Variants in IGF2BP2 observed in about 807,000 individuals in gnomAD.
IGF2BP2 encodes the protein insulin like growth factor 2 mRNA binding protein 2.
In IGF2BP2, 17 loss-of-function variants were observed where a neutral mutation model predicts 75.8. That is an observed-to-expected ratio of 0.22 (90% CI 0.15 to 0.34). The LOEUF is 0.34. IGF2BP2 is among the 10% of genes least tolerant of loss of function. IGF2BP2 has a pLI of 1.00. For synonymous variants in IGF2BP2, 288 were observed against 295.6 expected, an observed-to-expected ratio of 0.97 and a Z score of 0.26; for missense variants, 516 against 772.4, an observed-to-expected ratio of 0.67 and a Z score of 3.93.
At chr3:185,814,423 G>A (rs1740330567) in intron 2 of IGF2BP2, among the ~76,000 whole-genome samples, 1 of 152,220 alleles carries the variant, frequency 6.6e-6, no homozygotes, top group South Asian at 2.1e-4. Flanking sequence ...AGGTCTCCAT[G>A]TAATCCAAAA....
In IGF2BP2 at chr3:185,696,515, A is replaced by C. The variant is rs1171813298; in HGVS notation, c.340+97T>G. Reference sequence around the variant, plus strand: ...ACTCTAGGAAGCTTATTTCAAAGAAATATGAACTTACTATTTCTCCCTGGA... The same window carrying C: ...ACTCTAGGAAGCTTATTTCAAAGAACTATGAACTTACTATTTCTCCCTGGA... On this transcript the variant is annotated intron_variant, in intron 4 of 15. Transcript: ENST00000382199. 2.9e-6 allele frequency: 3 copies of C among 1,023,794 alleles called. No individual in the cohort carries two copies. The African/African-American group carries it at 4.8e-5, about 16-fold the overall frequency. 63.4% of individuals were successfully genotyped at this position (1,023,794 alleles called of 1,614,324 possible).
rs144114141 is a variant in IGF2BP2 at position 185,657,237 on chromosome 3, A to G, written c.1386+49T>C. ...ACTGAGAGGGAACAAGGGCCGTGGG[A>G]TGAGAGGAGGTGGTAGAAGGGCCAC... is the stretch of plus-strand genomic sequence containing the variant. On this transcript the variant is annotated intron_variant, in intron 12 of 15. Coordinates refer to ENST00000382199, the MANE Select transcript of IGF2BP2 (RefSeq NM_006548.6). 5.6e-4 allele frequency: 717 copies of G among 1,275,298 alleles called. 1 individual carries two copies. The African/African-American group carries it at 9.2e-3, about 16-fold the overall frequency. The allele number at this position is 1,275,298 out of a possible 1,614,324, so 79.0% of individuals were successfully genotyped here. A position where few individuals can be genotyped will look rare whatever the true frequency, so the allele number is the denominator to read the frequency against.
chr3:185,651,063 C>G (rs1237814793), intron 13 of IGF2BP2, among the ~76,000 whole-genome samples: 1 of 152,134 alleles, frequency 6.6e-6, no homozygotes, highest in Non-Finnish European at 1.5e-5. Context: ...TACATGCTAC[C>G]ACACCCAGCT....
At chr3:185,650,103 TTTTA>T in intron 13 of IGF2BP2, among the ~76,000 whole-genome samples, 1 of 151,468 alleles carries the variant, frequency 6.6e-6, no homozygotes, top group Admixed American at 6.6e-5. Context: ...TTTTTTTTTT[TTTTA>T]GAGATGAGGT....
At chr3:185,782,008 T>C (rs1735270567) in intron 2 of IGF2BP2, among the ~76,000 whole-genome samples, 1 of 152,156 alleles carries the variant, frequency 6.6e-6, no homozygotes, top group Admixed American at 6.6e-5. Flanking sequence ...TTAAAAAATA[T>C]GAATCAAGCA....
intron 2 of IGF2BP2, among the ~76,000 whole-genome samples, chr3:185,798,214 C>T (rs916078958): frequency 1.3e-5 from 2 of 152,022 alleles, no homozygotes; most frequent in East Asian, 1.9e-4. Flanking sequence ...AAAAAAATTG[C>T]TTTTCAGGGA....
At chr3:185,747,852 T>TAC (rs1730459484) in intron 2 of IGF2BP2, among the ~76,000 whole-genome samples, 4 of 151,894 alleles carry the variant, frequency 2.6e-5, no homozygotes, top group African/African-American at 9.7e-5. Context: ...TACTCCAATT[T>TAC]TATTTTATTT....
chr3:185,796,564 C>CAAA (rs60331633), intron 2 of IGF2BP2, among the ~76,000 whole-genome samples: 13 of 71,782 alleles, frequency 1.8e-4, no homozygotes, highest in East Asian at 1.3e-3. Context: ...CATTCCGTCT[C>CAAA]AAAAAAAAAA....
intron 2 of IGF2BP2, among the ~76,000 whole-genome samples, chr3:185,739,667 G>A (rs1340632582): frequency 2.6e-5 from 4 of 152,034 alleles, no homozygotes; most frequent in South Asian, 4.2e-4. Context: ...ACCCAGACAC[G>A]CGAAGCTTCT....
intron 2 of IGF2BP2, among the ~76,000 whole-genome samples, chr3:185,709,331 C>T (rs1724479950): frequency 6.6e-6 from 1 of 152,192 alleles, no homozygotes; most frequent in Non-Finnish European, 1.5e-5. Context: ...TCCTTCCTCC[C>T]CTACTACCTG....
chr3:185,727,610 T>G (rs1727537896), intron 2 of IGF2BP2, among the ~76,000 whole-genome samples: 1 of 152,234 alleles, frequency 6.6e-6, no homozygotes, highest in Non-Finnish European at 1.5e-5. Context: ...AGCATCATAA[T>G]CCTTCCTCTT....
chr3:185,748,088 C>T (rs1730496435), intron 2 of IGF2BP2, among the ~76,000 whole-genome samples: 1 of 152,068 alleles, frequency 6.6e-6, no homozygotes, highest in Non-Finnish European at 1.5e-5. Context: ...ATCTCCTGAC[C>T]TTGTGATCCA....
chr3:185,799,472 G>C (rs938664007), intron 2 of IGF2BP2, among the ~76,000 whole-genome samples: 1 of 152,176 alleles, frequency 6.6e-6, no homozygotes, highest in African/African-American at 2.4e-5. Flanking sequence ...GGAAATGCCA[G>C]GCACGGTGGC....
At chr3:185,731,082 G>A (rs556998179) in intron 2 of IGF2BP2, among the ~76,000 whole-genome samples, 19 of 151,942 alleles carry the variant, frequency 1.3e-4, no homozygotes, top group Non-Finnish European at 2.5e-4. Flanking sequence ...AAACTTCCTC[G>A]GTTTTAACTC....
chr3:185,690,418 AAC>A lies in IGF2BP2; in HGVS notation c.405-793_405-792del, dbSNP rs750858037. Among the ~76,000 whole-genome samples the A allele has an allele frequency of 3.7e-4, 56 of 152,372 alleles. No homozygotes were observed. In the East Asian group the frequency reaches 7.3e-3, roughly 20 times the overall value. ...CATACTATGTTCTAACCTTTAAAAA[AAC>A]AGTTAATATTCTAAAACATTTTTCA... On this transcript the variant is annotated intron_variant, in intron 5 of 15. Transcript: ENST00000382199.
intron 10 of IGF2BP2, among the ~76,000 whole-genome samples, chr3:185,659,567 G>C (rs1279395684): frequency 2.0e-5 from 3 of 151,510 alleles, no homozygotes; most frequent in Admixed American, 6.6e-5. Flanking sequence ...GTAGAGATGG[G>C]GTTTCACCAT....
intron 2 of IGF2BP2, among the ~76,000 whole-genome samples, chr3:185,790,571 G>A (rs776760245): frequency 2.6e-5 from 4 of 152,062 alleles, no homozygotes; most frequent in Non-Finnish European, 5.9e-5. Flanking sequence ...CCTTTACTTC[G>A]CTGATTTCTG....
At chr3:185,738,864 C>A (rs1729177056) in intron 2 of IGF2BP2, among the ~76,000 whole-genome samples, 1 of 152,144 alleles carries the variant, frequency 6.6e-6, no homozygotes, top group African/African-American at 2.4e-5. Flanking sequence ...TTGAAGAGGA[C>A]CTTTAATCCT....
chr3:185,699,035 G>A (rs1399297305), intron 2 of IGF2BP2, among the ~76,000 whole-genome samples: 3 of 151,928 alleles, frequency 2.0e-5, no homozygotes, highest in African/African-American at 4.8e-5. Context: ...GGCTGGTCTC[G>A]AACTCCTGAC....
Sources: gnomAD v4.1 joint callset for allele counts (sites outside exome capture counted in the v4.1 genomes callset) on GRCh38, gnomAD v4.1.1 for gene constraint, MANE v1.5 for transcripts, NCBI Gene and HGNC (gene_info 2026-07-23, HGNC 2026-07-21) for gene names.